XKR6: variants seen among roughly 807,000 people sequenced by gnomAD.
The protein encoded by XKR6 is XK related 6, also known as XK-related protein 6.
A neutral mutation model predicts 56.7 loss-of-function variants in XKR6; 22 were observed. That is an observed-to-expected ratio of 0.39 (90% CI 0.28 to 0.55). The LOEUF is 0.55. Among genes scored for constraint, XKR6 ranks in the 20% least tolerant of loss-of-function variants. The pLI, the probability that XKR6 is intolerant of heterozygous loss-of-function variation, is 0.66. For missense variants in XKR6, 852 were observed against 889.0 expected (o/e 0.96, Z 0.53); for synonymous variants, 524 against 387.8 (o/e 1.35, Z -4.13).
At chr8:11,074,110 C>G (rs1187178196) in intron 1 of XKR6, among the ~76,000 whole-genome samples, 3 of 152,240 alleles carry the variant, frequency 2.0e-5, no homozygotes, top group Non-Finnish European at 4.4e-5. Flanking sequence ...CTAAGATCTT[C>G]AAAGACGCAG....
At chr8:11,080,910 G>A (rs748994856) in intron 1 of XKR6, among the ~76,000 whole-genome samples, 1 of 152,154 alleles carries the variant, frequency 6.6e-6, no homozygotes, top group Non-Finnish European at 1.5e-5. Flanking sequence ...GTACACACGT[G>A]AAAACTGTGG....
chr8:11,201,526 T>A lies in XKR6; in HGVS notation c.-187A>T, dbSNP rs1057261632. Among the ~76,000 whole-genome samples, 1 of 152,060 alleles carries A rather than the reference T, an allele frequency of 6.6e-6. No individual in the cohort carries two copies. Among genetic ancestry groups the A allele is most frequent in the South Asian group, 2.1e-4 (1 of 4,830 alleles). ...TCCGCTTCCGGGTAGTTGGCGTCACTTCCGGGCGAGCCCCCCAATCGCACG... is the reference window on the plus strand; with the variant it reads ...TCCGCTTCCGGGTAGTTGGCGTCACATCCGGGCGAGCCCCCCAATCGCACG... On this transcript the variant is annotated 5_prime_UTR_variant, in exon 1 of 3. In the 5' UTR this introduces an upstream ATG that the reference lacks. Transcript: ENST00000416569.
intron 1 of XKR6, among the ~76,000 whole-genome samples, chr8:11,144,904 G>A (rs1404291375): frequency 1.3e-5 from 2 of 149,920 alleles, no homozygotes; most frequent in African/African-American, 4.9e-5. Context: ...AAGGAGAAGG[G>A]GAAGGGGAAG....
chr8:11,132,776 C>G (rs1800173696), intron 1 of XKR6, among the ~76,000 whole-genome samples: 1 of 143,744 alleles, frequency 7.0e-6, no homozygotes, highest in East Asian at 1.9e-4. Flanking sequence ...CGCACACACA[C>G]ACACACACAC....
In XKR6 at chr8:11,141,272, T is replaced by C. The variant is rs115270733; in HGVS notation, c.764+59304A>G. On this transcript the variant is annotated intron_variant, in intron 1 of 2. Coordinates refer to ENST00000416569, the MANE Select transcript of XKR6 (RefSeq NM_173683.4). ...TAGTCTATCATCACGTGTTATGCAC[T>C]GAATATGTCCCTCCAAAATTCCTAT... is the stretch of plus-strand genomic sequence containing the variant. Among the ~76,000 whole-genome samples, 894 of 152,288 alleles carry C rather than the reference T, an allele frequency of 5.9e-3. 11 individuals are homozygous for C. The highest frequency in any genetic ancestry group is 0.021 in the African/African-American group (862 of 41,556).
intron 2 of XKR6, among the ~76,000 whole-genome samples, chr8:10,915,547 C>T (rs998629824): frequency 1.9e-4 from 29 of 152,032 alleles, no homozygotes; most frequent in Non-Finnish European, 2.9e-5. Flanking sequence ...TCCCTCTCGC[C>T]ATTGGTCGGT....
intron 1 of XKR6, among the ~76,000 whole-genome samples, chr8:11,131,028 G>T (rs1800078397): frequency 6.6e-6 from 1 of 152,086 alleles, no homozygotes; most frequent in Non-Finnish European, 1.5e-5. Flanking sequence ...TTATGTAACT[G>T]AGGACCCTGT....
intron 1 of XKR6, among the ~76,000 whole-genome samples, chr8:11,068,090 T>A (rs1800026910): frequency 6.6e-6 from 1 of 152,188 alleles, no homozygotes; most frequent in Non-Finnish European, 1.5e-5. Context: ...TCAATAGTGG[T>A]GTGTTGATTT....
chr8:10,954,886 T>A (rs1373566246), intron 1 of XKR6, among the ~76,000 whole-genome samples: 2 of 147,424 alleles, frequency 1.4e-5, no homozygotes, highest in Non-Finnish European at 3.0e-5. Context: ...TTTTTTTTTT[T>A]AGACAGAGTT....
chr8:11,075,291 T>C (rs1410631175), intron 1 of XKR6, among the ~76,000 whole-genome samples: 2 of 152,202 alleles, frequency 1.3e-5, no homozygotes, highest in East Asian at 3.9e-4. Context: ...ACAAAGAGCC[T>C]GGACTTTGCT....
chr8:11,103,312 A>G (rs914920138), intron 1 of XKR6, among the ~76,000 whole-genome samples: 1 of 152,182 alleles, frequency 6.6e-6, no homozygotes, highest in Non-Finnish European at 1.5e-5. Flanking sequence ...CCTGCCTTAA[A>G]CTTCCTAAAA....
intron 1 of XKR6, among the ~76,000 whole-genome samples, chr8:11,136,250 C>T (rs1335974293): frequency 2.0e-5 from 3 of 152,200 alleles, no homozygotes; most frequent in Admixed American, 6.5e-5. Context: ...CGCGGCGGCT[C>T]ACGCCTGTAA....
chr8:10,987,457 C>T (rs1268078087), intron 1 of XKR6, among the ~76,000 whole-genome samples: 1 of 152,200 alleles, frequency 6.6e-6, no homozygotes, highest in Non-Finnish European at 1.5e-5. Flanking sequence ...AATGTATTAT[C>T]ACATACTGTT....
chr8:10,906,186 A>G (rs1439468306), intron 2 of XKR6, among the ~76,000 whole-genome samples: 1 of 152,242 alleles, frequency 6.6e-6, no homozygotes, highest in Non-Finnish European at 1.5e-5. Context: ...CGGGCTTGAA[A>G]TTGGCATGGT....
intron 1 of XKR6, among the ~76,000 whole-genome samples, chr8:11,018,527 A>T (rs1370845108): frequency 3.9e-5 from 6 of 152,228 alleles, no homozygotes; most frequent in Non-Finnish European, 8.8e-5. Context: ...GACAAAGGAC[A>T]TGAAGGCAAG....
chr8:11,182,083 CCT>C (rs1803017059), intron 1 of XKR6, among the ~76,000 whole-genome samples: 2 of 152,168 alleles, frequency 1.3e-5, no homozygotes, highest in Non-Finnish European at 2.9e-5. Flanking sequence ...CCAGTTTGTT[CCT>C]CATCTTTCTA....
At chr8:11,113,570 T>C (rs982903960) in intron 1 of XKR6, among the ~76,000 whole-genome samples, 10 of 152,220 alleles carry the variant, frequency 6.6e-5, no homozygotes, top group Admixed American at 5.9e-4. Flanking sequence ...TTCTTTAACA[T>C]AGAAAAAAAA....
chr8:11,134,263 C>T (rs1446555302), intron 1 of XKR6, among the ~76,000 whole-genome samples: 1 of 152,184 alleles, frequency 6.6e-6, no homozygotes, highest in Non-Finnish European at 1.5e-5. Context: ...TGTTGTCCAT[C>T]TGGATTACCT....
At chr8:10,967,735 CA>C (rs1802268734) in intron 1 of XKR6, among the ~76,000 whole-genome samples, 1 of 152,204 alleles carries the variant, frequency 6.6e-6, no homozygotes, top group African/African-American at 2.4e-5. Context: ...GAAAGCAGGG[CA>C]AAGGACCTAC....
Sources: gnomAD v4.1 joint callset for allele counts (sites outside exome capture counted in the v4.1 genomes callset) on GRCh38, gnomAD v4.1.1 for gene constraint, MANE v1.5 for transcripts, NCBI Gene and HGNC (gene_info 2026-07-23, HGNC 2026-07-21) for gene names.